DIAPH3: variants seen among roughly 807,000 people sequenced by gnomAD.
DIAPH3 encodes diaphanous related formin 3.
A neutral mutation model predicts 144.3 loss-of-function variants in DIAPH3; 117 were observed. The observed-to-expected ratio is 0.81, with a 90% CI of 0.70 to 0.95. The LOEUF is 0.95. DIAPH3 is among the 40% of genes least tolerant of loss of function. The pLI, the probability that DIAPH3 is intolerant of heterozygous loss-of-function variation, is 0.00. For synonymous variants in DIAPH3, 519 were observed against 488.9 expected, an observed-to-expected ratio of 1.06 and a Z score of -0.81; for missense variants, 1,421 against 1,412.7, an observed-to-expected ratio of 1.01 and a Z score of -0.09.
chr13:59,905,624 T>C (rs941154792), intron 20 of DIAPH3, among the ~76,000 whole-genome samples: 3 of 152,146 alleles, frequency 2.0e-5, no homozygotes, highest in African/African-American at 7.2e-5. Flanking sequence ...TTGCTTTACA[T>C]AGCAAAAGAG....
At chr13:60,158,290 C>T (rs967141777) in intron 1 of DIAPH3, among the ~76,000 whole-genome samples, 1 of 152,204 alleles carries the variant, frequency 6.6e-6, no homozygotes. Context: ...GCAAAGACAT[C>T]TTTCTCAGAA....
At chr13:59,723,920 G>A (rs567660111) in intron 27 of DIAPH3, among the ~76,000 whole-genome samples, 69 of 142,660 alleles carry the variant, frequency 4.8e-4, no homozygotes, top group Non-Finnish European at 8.7e-4. Context: ...GCCAGAAAAT[G>A]ATAGTCTATC....
intron 4 of DIAPH3, 51 bp downstream of exon 4, chr13:60,093,577 C>A (rs1248008666): frequency 7.9e-7 from 1 of 1,259,128 alleles, no homozygotes; most frequent in Admixed American, 1.7e-5. Context: ...GTGCTGTTTT[C>A]CATGTTAAAA....
intron 2 of DIAPH3, among the ~76,000 whole-genome samples, chr13:60,123,123 G>A (rs1017543102): frequency 6.6e-6 from 1 of 151,994 alleles, no homozygotes; most frequent in African/African-American, 2.4e-5. Context: ...AATTAATAAG[G>A]AGTAAAAATT....
intron 27 of DIAPH3, among the ~76,000 whole-genome samples, chr13:59,677,378 A>C (rs565069454): frequency 1.3e-5 from 2 of 152,124 alleles, no homozygotes; most frequent in Admixed American, 6.6e-5. Flanking sequence ...AAAATGGGCT[A>C]TACATGCAAG....
rs748798813 is a variant in DIAPH3 at position 59,943,016 on chromosome 13, C to CAT, written c.2075-18148_2075-18147dup. Reference sequence around the variant, plus strand: ...ACTAAAATATTCTTGCATATTTTTCCATATATATATAAGCATTTGTTGCAT... The same window carrying CAT: ...ACTAAAATATTCTTGCATATTTTTCCATATATATATATAAGCATTTGTTGCAT... On this transcript the variant is annotated intron_variant, in intron 17 of 27. Transcript: ENST00000400324. 5.1e-4 allele frequency among the ~76,000 whole-genome samples: 77 copies of CAT among 151,920 alleles called. No individual in the cohort carries two copies. In the South Asian group the frequency reaches 5.8e-3, roughly 11 times the overall value.
chr13:59,781,896 A>G (rs1004769794), intron 25 of DIAPH3, among the ~76,000 whole-genome samples: 1 of 152,156 alleles, frequency 6.6e-6, no homozygotes, highest in African/African-American at 2.4e-5. Context: ...AAAGAGGTTC[A>G]AGGAAGCTGT....
At chr13:59,682,732 A>G (rs2033010421) in intron 27 of DIAPH3, among the ~76,000 whole-genome samples, 1 of 152,150 alleles carries the variant, frequency 6.6e-6, no homozygotes, top group Non-Finnish European at 1.5e-5. Flanking sequence ...GTCTATAATA[A>G]TCTTTCATCC....
rs1242934663 is a variant in DIAPH3, at chr13:59,774,234, G to A, written c.3274C>T (p.Leu1092Phe). Residue 1092 changes from leucine to phenylalanine, a missense_variant, in exon 27 of 28, where the codon CTC (leucine) becomes TTC (phenylalanine). Coordinates refer to ENST00000400324, the MANE Select transcript of DIAPH3 (RefSeq NM_001042517.2). ...ACAGGCCTCTGAGACATTGGACTGAGACTCTGCCGAACATCTGTTAAAAAA... is the reference window on the plus strand; with the variant it reads ...ACAGGCCTCTGAGACATTGGACTGAAACTCTGCCGAACATCTGTTAAAAAA... ...TPMPKDVRQS[L>F]SPMSQRPVLK... 6.2e-7 allele frequency: 1 copy of A among 1,612,616 alleles called. No homozygotes were observed. Among genetic ancestry groups the A allele is most frequent in the Admixed American group, 1.7e-5 (1 of 59,948 alleles).
At chr13:59,866,674 C>CA (rs1470574965) in intron 21 of DIAPH3, among the ~76,000 whole-genome samples, 1 of 151,988 alleles carries the variant, frequency 6.6e-6, no homozygotes, top group Admixed American at 6.6e-5. Flanking sequence ...TTACTGCTGA[C>CA]AAAATATCAT....
At chr13:59,669,067 AC>A (rs2032197838) in intron 27 of DIAPH3, among the ~76,000 whole-genome samples, 1 of 151,894 alleles carries the variant, frequency 6.6e-6, no homozygotes, top group South Asian at 2.1e-4. Flanking sequence ...AAATCTGAAA[AC>A]CCTTTTGCCA....
chr13:60,111,566 C>T (rs1247197792), intron 3 of DIAPH3, among the ~76,000 whole-genome samples: 5 of 152,164 alleles, frequency 3.3e-5, no homozygotes, highest in Non-Finnish European at 7.4e-5. Flanking sequence ...CAAAGGAGCA[C>T]AAACTCCATG....
At chr13:59,785,892 G>A (rs1379324325) in intron 25 of DIAPH3, among the ~76,000 whole-genome samples, 1 of 152,116 alleles carries the variant, frequency 6.6e-6, no homozygotes, top group Non-Finnish European at 1.5e-5. Flanking sequence ...TGGAATTACG[G>A]CAGCTATGAC....
At chr13:60,090,252 C>T (rs575447558) in intron 4 of DIAPH3, among the ~76,000 whole-genome samples, 1 of 152,258 alleles carries the variant, frequency 6.6e-6, no homozygotes, top group Admixed American at 6.5e-5. Context: ...CTTCTAAATA[C>T]GACACTTCCT....
intron 14 of DIAPH3, among the ~76,000 whole-genome samples, chr13:59,977,557 G>A (rs1005181513): frequency 2.6e-5 from 4 of 151,844 alleles, no homozygotes; most frequent in Admixed American, 1.3e-4. Flanking sequence ...CAGTGTGAAA[G>A]ATGGGCTGAA....
rs202059697 is a variant in DIAPH3 at position 60,162,815 on chromosome 13, A to T, written c.180+772T>A. Among the ~76,000 whole-genome samples, 334 of 140,550 alleles carry T rather than the reference A, an allele frequency of 2.4e-3. 1 individual carries two copies. The highest frequency in any genetic ancestry group is 7.0e-3 in the African/African-American group (274 of 39,340). The allele number at this position is 140,550 out of a possible 152,430, so 92.2% of individuals were successfully genotyped here. ...CTCTCTCTCTCTCTCTCTCTCACAC[A>T]CACACACACACACACACACACACAC... On this transcript the variant is annotated intron_variant, in intron 1 of 27. Coordinates refer to ENST00000400324, the MANE Select transcript of DIAPH3 (RefSeq NM_001042517.2).
intron 25 of DIAPH3, among the ~76,000 whole-genome samples, chr13:59,789,978 A>G (rs559293368): frequency 6.6e-6 from 1 of 152,274 alleles, no homozygotes; most frequent in Non-Finnish European, 1.5e-5. Context: ...GTACTGGCAG[A>G]ATATTCTGTT....
chr13:59,929,554 CTTTTTTTTTT>C (rs1167902415), intron 17 of DIAPH3, among the ~76,000 whole-genome samples: 4 of 56,088 alleles, frequency 7.1e-5, no homozygotes, highest in African/African-American at 2.9e-4. Flanking sequence ...AAATTTTGTT[CTTTTTTTTTT>C]TTTTTTTTTT....
intron 17 of DIAPH3, among the ~76,000 whole-genome samples, chr13:59,951,662 T>C (rs766765140): frequency 3.3e-5 from 5 of 152,182 alleles, no homozygotes; most frequent in Non-Finnish European, 7.4e-5. Flanking sequence ...ATATACTTGA[T>C]TTTCTGTTAT....
Sources: gnomAD v4.1 joint callset for allele counts (sites outside exome capture counted in the v4.1 genomes callset) on GRCh38, gnomAD v4.1.1 for gene constraint, MANE v1.5 for transcripts, NCBI Gene and HGNC (gene_info 2026-07-23, HGNC 2026-07-21) for gene names.